Variants in PHF8 observed in about 807,000 individuals in gnomAD.
The protein encoded by PHF8 is PHD finger protein 8.
Under a neutral mutation model 74.4 loss-of-function variants are expected in PHF8, and 9 were observed. That is an observed-to-expected ratio of 0.12 (90% CI 0.07 to 0.21). The LOEUF is 0.21. Ranked by LOEUF, PHF8 falls within the 10% of genes least tolerant of loss-of-function variation. The pLI, the probability that PHF8 is intolerant of heterozygous loss-of-function variation, is 1.00. For synonymous variants in PHF8, 311 were observed against 316.6 expected, an observed-to-expected ratio of 0.98 and a Z score of 0.19; for missense variants, 478 against 816.6, an observed-to-expected ratio of 0.59 and a Z score of 5.05.
upstream of PHF8, chrX:54,044,889 A>T (rs1557117097): frequency 4.3e-6 from 5 of 1,156,513 alleles, no homozygotes; most frequent in East Asian, 1.3e-4. Context: ...GCTCCTGTTC[A>T]TTGAGCACCT....
At chrX:53,966,406 A>AT (rs2065188106) in intron 18 of PHF8, among the ~76,000 whole-genome samples, 2 of 112,111 alleles carry the variant, frequency 1.8e-5, no homozygotes, top group Non-Finnish European at 1.9e-5. Flanking sequence ...TGGTTTTCGT[A>AT]TTTTTTTGGT....
intron 19 of PHF8, among the ~76,000 whole-genome samples, chrX:53,958,289 C>T (rs1557089420): frequency 9.3e-6 from 1 of 107,887 alleles, no homozygotes; most frequent in Non-Finnish European, 1.9e-5. Flanking sequence ...ATCCGCTCAC[C>T]CTGGCCTCCC....
chrX:53,972,968 T>A (rs2149810765), intron 18 of PHF8, among the ~76,000 whole-genome samples: 1 of 111,939 alleles, frequency 8.9e-6, no homozygotes, highest in South Asian at 3.7e-4. Context: ...ACAAAATCAA[T>A]GTGCAAAAAT....
intron 2 of PHF8, among the ~76,000 whole-genome samples, chrX:54,035,339 A>T (rs2066433550): frequency 9.3e-6 from 1 of 107,289 alleles, no homozygotes; most frequent in Admixed American, 9.9e-5. Flanking sequence ...CCTGGGTGAC[A>T]GAGTGAGACT....
intron 12 of PHF8, 127 bp downstream of exon 12, chrX:53,995,566 T>C (rs914340497): frequency 2.0e-6 from 1 of 502,340 alleles, no homozygotes; most frequent in East Asian, 3.6e-5. Flanking sequence ...AACGAATGAA[T>C]TGGGTCTTTG....
At chrX:54,005,146 T>TA (rs1356455840) in intron 8 of PHF8, among the ~76,000 whole-genome samples, 1 of 110,678 alleles carries the variant, frequency 9.0e-6, no homozygotes, top group Non-Finnish European at 1.9e-5. Context: ...CAGCAGAAGT[T>TA]AGAGCATGAG....
At chrX:53,967,429 T>C (rs868934930) in intron 18 of PHF8, among the ~76,000 whole-genome samples, 225 of 54,205 alleles carry the variant, frequency 4.2e-3, no homozygotes, top group Middle Eastern at 0.015. Context: ...TCTGCCCGGC[T>C]GCCCCTACTG....
rs782030595 is a variant in PHF8 at position 53,937,814 on chromosome X, T to G, written c.*1344A>C. On this transcript the variant is annotated 3_prime_UTR_variant, in exon 22 of 22. Transcript: ENST00000338154. ...GTGGTACAGGTGGAAAGGGCAAGGG[T>G]ACACTCCACTTGGGTAGTGCCAAAT... The G allele has an allele frequency of 6.4e-5, 29 of 454,865 alleles. No homozygotes were observed. In the South Asian group the frequency reaches 8.4e-4, roughly 13 times the overall value. 37.5% of individuals were successfully genotyped at this position (454,865 alleles called of 1,213,427 possible).
intron 2 of PHF8, among the ~76,000 whole-genome samples, chrX:54,033,367 C>A (rs1227045697): frequency 8.9e-6 from 1 of 111,958 alleles, no homozygotes; most frequent in African/African-American, 3.2e-5. Context: ...TTAAAGGCGC[C>A]ATCATAAAAA....
intron 18 of PHF8, among the ~76,000 whole-genome samples, chrX:53,973,064 G>A (rs2065318997): frequency 9.0e-6 from 1 of 111,485 alleles, no homozygotes; most frequent in African/African-American, 3.3e-5. Flanking sequence ...CAGAAAGAAT[G>A]TAATACCTAT....
At chrX:53,976,542 A>G (rs1034191553) in intron 18 of PHF8, among the ~76,000 whole-genome samples, 4 of 109,657 alleles carry the variant, frequency 3.6e-5, no homozygotes, top group Admixed American at 2.0e-4. Context: ...TTGTAATCTC[A>G]GCACTTTGGG....
At chrX:53,984,192 C>T (rs782443851) in intron 18 of PHF8, among the ~76,000 whole-genome samples, 1 of 111,737 alleles carries the variant, frequency 8.9e-6, no homozygotes, top group Non-Finnish European at 1.9e-5. Context: ...ATGACAAAAC[C>T]TTGTCTCTAG....
Position 53,938,594 on chromosome X carries a change from G to A in PHF8, c.*564C>T. 1.1e-5 allele frequency: 8 copies of A among 757,401 alleles called. No homozygotes were observed. Among genetic ancestry groups the A allele is most frequent in the Non-Finnish European group, 1.1e-5 (7 of 641,312 alleles). 62.4% of individuals were successfully genotyped at this position (757,401 alleles called of 1,213,427 possible). The stretch of plus-strand genomic sequence containing the variant: ...ACAGTGGGGCAGGAAGGAGGCTCTA[G>A]GCCTTCCTCTTCATTTCCATGAAGC... On this transcript the variant is annotated 3_prime_UTR_variant, in exon 22 of 22. Transcript: ENST00000338154.
rs1361887935 is a variant in PHF8 at position 54,005,061 on chromosome X, A to G, written c.947-2379T>C. On this transcript the variant is annotated intron_variant, in intron 8 of 21. Transcript: ENST00000338154. ...CCAATCTGAACTTGAACAAAGAGAA[A>G]AAAGACACAGAAAAATAAACTCAAG... is the stretch of plus-strand genomic sequence containing the variant. Among the ~76,000 whole-genome samples, 4 of 112,009 alleles carry G rather than the reference A, an allele frequency of 3.6e-5. No homozygotes were observed. In the East Asian group the frequency reaches 1.1e-3, roughly 31 times the overall value.
upstream of PHF8, among the ~76,000 whole-genome samples, chrX:54,046,791 G>A (rs1459722558): frequency 1.8e-5 from 2 of 111,116 alleles, no homozygotes; most frequent in Non-Finnish European, 3.8e-5. Context: ...CTTGAGCCCA[G>A]GAGTTCAAGA....
chrX:54,008,545 C>A (rs900652296), intron 8 of PHF8, among the ~76,000 whole-genome samples: 1 of 107,748 alleles, frequency 9.3e-6, no homozygotes, highest in African/African-American at 3.4e-5. Context: ...AAAAATTACC[C>A]AGGCCAGTGG....
chrX:53,953,808 T>C (rs1460986928), intron 19 of PHF8, among the ~76,000 whole-genome samples: 1 of 111,569 alleles, frequency 9.0e-6, no homozygotes, highest in African/African-American at 3.3e-5. Context: ...CTCCAACTGA[T>C]AGGCAGATGT....
At chrX:53,945,213 C>T (rs1249278351) in intron 19 of PHF8, among the ~76,000 whole-genome samples, 2 of 108,329 alleles carry the variant, frequency 1.8e-5, no homozygotes, top group Non-Finnish European at 1.9e-5. Context: ...GGCATGGTGG[C>T]GGGTGCCTGT....
upstream of PHF8, among the ~76,000 whole-genome samples, chrX:54,047,518 T>C (rs192796731): frequency 1.2e-3 from 133 of 112,033 alleles, no homozygotes; most frequent in Non-Finnish European, 2.0e-3. Context: ...GGCCCTGGCC[T>C]GCATGCAGCT....
Sources: gnomAD v4.1 joint callset for allele counts (sites outside exome capture counted in the v4.1 genomes callset) on GRCh38, gnomAD v4.1.1 for gene constraint, MANE v1.5 for transcripts, NCBI Gene and HGNC (gene_info 2026-07-23, HGNC 2026-07-21) for gene names.